Variants in CCDC110 observed in about 807,000 individuals in gnomAD.
CCDC110 encodes coiled-coil domain containing 110.
CCDC110 carries 70 observed loss-of-function variants against 77.1 expected under a neutral mutation model. That is an observed-to-expected ratio of 0.91 (90% CI 0.75 to 1.11). CCDC110 has a LOEUF of 1.11. CCDC110 is among the 50% of genes least tolerant of loss of function. The probability of loss-of-function intolerance (pLI) is 0.00; values close to 1 mark genes in which losing one functional copy is unlikely to be tolerated. For synonymous variants in CCDC110, 295 were observed against 312.5 expected, an observed-to-expected ratio of 0.94 and a Z score of 0.59; for missense variants, 868 against 942.9, an observed-to-expected ratio of 0.92 and a Z score of 1.04.
intron 6 of CCDC110, among the ~76,000 whole-genome samples, chr4:185,452,616 C>T (rs182636158): frequency 1.4e-4 from 22 of 152,074 alleles, no homozygotes; most frequent in Admixed American, 6.6e-4. Flanking sequence ...AGTTCAAGGC[C>T]GGGCTCGGTG....
At chr4:185,466,682 A>T (rs1256543066) in intron 2 of CCDC110, among the ~76,000 whole-genome samples, 1 of 151,932 alleles carries the variant, frequency 6.6e-6, no homozygotes, top group Non-Finnish European at 1.5e-5. Flanking sequence ...CGATCCTCCC[A>T]TGTCAGCCTC....
intron 2 of CCDC110, among the ~76,000 whole-genome samples, chr4:185,470,379 A>G (rs1230265153): frequency 1.3e-5 from 2 of 152,150 alleles, no homozygotes; most frequent in African/African-American, 2.4e-5. Flanking sequence ...AATACCTTAT[A>G]CAATGTAAAT....
At chr4:185,453,691 T>C (rs898394394) in intron 6 of CCDC110, among the ~76,000 whole-genome samples, 5 of 151,736 alleles carry the variant, frequency 3.3e-5, no homozygotes, top group African/African-American at 1.2e-4. Context: ...ACCAGAGGCA[T>C]ATGCCACCAC....
chr4:185,471,574 A>C, intron 1 of CCDC110, 100 bp downstream of exon 1: 2 of 1,322,384 alleles, frequency 1.5e-6, no homozygotes, highest in Non-Finnish European at 2.1e-6. Flanking sequence ...CGGACCCGGG[A>C]TGTCCCGGGT....
chr4:185,470,901 C>T lies in CCDC110; in HGVS notation c.115+44G>A, dbSNP rs745370882. ...AGGTGGCACAGGCCAGATGCTGCCGCCTGTGTATAGTTAAAGGAGCCTTTT... is the reference window on the plus strand; with the variant it reads ...AGGTGGCACAGGCCAGATGCTGCCGTCTGTGTATAGTTAAAGGAGCCTTTT... On this transcript the variant is annotated intron_variant, in intron 2 of 6. Coordinates refer to ENST00000307588, the MANE Select transcript of CCDC110 (RefSeq NM_152775.4). 18 of 1,379,304 alleles carry T rather than the reference C, an allele frequency of 1.3e-5. 2 individuals carry two copies. In the South Asian group the frequency reaches 2.1e-4, roughly 16 times the overall value. The allele number at this position is 1,379,304 out of a possible 1,614,324, so 85.4% of individuals were successfully genotyped here.
At position 185,462,832 on chromosome 4, in the gene CCDC110, G is replaced by A. The variant is rs1241643581; in HGVS notation, c.172-124C>T. 1.3e-5 allele frequency: 13 copies of A among 1,036,280 alleles called. No individual in the cohort carries two copies. The Admixed American group carries it at 1.9e-4, about 15-fold the overall frequency. 64.2% of individuals were successfully genotyped at this position (1,036,280 alleles called of 1,614,324 possible). On this transcript the variant is annotated intron_variant, in intron 3 of 6. Transcript: ENST00000307588. ...GAAAAGATCCCGTGAGGGTCAGGTG[G>A]TTCACATTCTTAGGCATTTTGCTAA...
rs1319297228 is a variant in CCDC110 at position 185,458,548 on chromosome 4, A to G, written c.2039T>C (p.Ile680Thr). The G allele has an allele frequency of 6.2e-7, 1 of 1,607,260 alleles. No homozygotes were observed. ...STAEENFLQE[I>T]KNAKSEASIY... Reference sequence around the variant, plus strand: ...ACTTGCTTCTGATTTTGCATTTTTTATTTCTTGCAGAAAATTCTCTTCGGC... The same window carrying G: ...ACTTGCTTCTGATTTTGCATTTTTTGTTTCTTGCAGAAAATTCTCTTCGGC... Residue 680 changes from isoleucine to threonine, a missense_variant, in exon 6 of 7, where the codon ATA becomes ACA. Transcript: ENST00000307588.
Position 185,471,058 on chromosome 4 carries a change from G to A in CCDC110, c.11-9C>T, listed in dbSNP as rs764661498. ...TTCCCGGTGCTGCTTTTCTGTAACA[G>A]AACCGTCCGGGGCTGTTCTGTCGCG... is the stretch of plus-strand genomic sequence containing the variant. On this transcript the variant is annotated splice_polypyrimidine_tract_variant and intron_variant, in intron 1 of 6. Transcript: ENST00000307588. 1 of 1,455,008 alleles carries A rather than the reference G, an allele frequency of 6.9e-7. No individual in the cohort carries two copies. The highest frequency in any genetic ancestry group is 2.8e-5 in the East Asian group (1 of 36,154). The allele number at this position is 1,455,008 out of a possible 1,614,324, so 90.1% of individuals were successfully genotyped here. A position where few individuals can be genotyped will look rare whatever the true frequency, so the allele number is the denominator to read the frequency against.
chr4:185,449,550 T>C, intron 6 of CCDC110: 1 of 1,255,434 alleles, frequency 8.0e-7, no homozygotes, highest in Non-Finnish European at 1.1e-6. Flanking sequence ...TACAGGTATT[T>C]GACTTGCACC....
intron 6 of CCDC110, among the ~76,000 whole-genome samples, chr4:185,453,014 T>C (rs1161449574): frequency 6.6e-6 from 1 of 152,008 alleles, no homozygotes; most frequent in Non-Finnish European, 1.5e-5. Context: ...CCTGGAAGAA[T>C]TATTATGAAC....
At position 185,449,667 on chromosome 4, in the gene CCDC110, C is replaced by T. The variant is rs771626896; in HGVS notation, c.2462-4125G>A. The stretch of plus-strand genomic sequence containing the variant: ...TAGCAACTGGAAGACAAGTAGCTTT[C>T]TAGATCTTAACTATGAGTAATTCAC... On this transcript the variant is annotated intron_variant, in intron 6 of 6. Coordinates refer to ENST00000307588, the MANE Select transcript of CCDC110 (RefSeq NM_152775.4). 2.5e-5 allele frequency: 37 copies of T among 1,490,494 alleles called. No homozygotes were observed. In the South Asian group the frequency reaches 3.6e-4, roughly 14 times the overall value. The allele number at this position is 1,490,494 out of a possible 1,614,324, so 92.3% of individuals were successfully genotyped here. A position where few individuals can be genotyped will look rare whatever the true frequency, so the allele number is the denominator to read the frequency against.
chr4:185,445,967 G>A (rs1382969888), intron 6 of CCDC110, among the ~76,000 whole-genome samples: 1 of 151,968 alleles, frequency 6.6e-6, no homozygotes, highest in Non-Finnish European at 1.5e-5. Flanking sequence ...TCAGCCTCCC[G>A]AGTAGCTGGG....
intron 6 of CCDC110, among the ~76,000 whole-genome samples, chr4:185,455,575 A>G (rs1206968753): frequency 6.6e-6 from 1 of 152,166 alleles, no homozygotes; most frequent in Non-Finnish European, 1.5e-5. Context: ...ATAGTGCTAA[A>G]TGTGTATGCA....
rs2095642719 is a variant in CCDC110 at position 185,459,815 on chromosome 4, C to CAT, written c.770_771dup (p.Gly258MetfsTer35). ...AGTTCATTTGTAAGTGCCACTTCCC[C>CAT]ATCATGTGACTTTTGAAGCTCTTCT... is the stretch of plus-strand genomic sequence containing the variant. On this transcript the variant is annotated frameshift_variant, in exon 6 of 7. Coordinates refer to ENST00000307588, the MANE Select transcript of CCDC110 (RefSeq NM_152775.4). LOFTEE classifies it high-confidence loss of function. The CAT allele has an allele frequency of 6.2e-7, 1 of 1,613,334 alleles. No homozygotes were observed.
chr4:185,450,734 ACT>A (rs1225330000), intron 6 of CCDC110, among the ~76,000 whole-genome samples: 2 of 80,778 alleles, frequency 2.5e-5, no homozygotes, highest in African/African-American at 7.2e-5. Context: ...ACAGAGTGAG[ACT>A]CTGTCTAAAA....
At chr4:185,446,195 T>G (rs2095610695) in intron 6 of CCDC110, among the ~76,000 whole-genome samples, 1 of 152,232 alleles carries the variant, frequency 6.6e-6, no homozygotes, top group African/African-American at 2.4e-5. Context: ...AATGTATTTA[T>G]CAGCAGAACT....
intron 6 of CCDC110, among the ~76,000 whole-genome samples, chr4:185,450,630 C>T (rs942720808): frequency 6.6e-6 from 1 of 151,674 alleles, no homozygotes; most frequent in Admixed American, 6.6e-5. Flanking sequence ...GCCTGTCATC[C>T]CAGCTCGGGA....
chr4:185,453,370 A>G (rs1178944321), intron 6 of CCDC110, among the ~76,000 whole-genome samples: 1 of 152,236 alleles, frequency 6.6e-6, no homozygotes, highest in Non-Finnish European at 1.5e-5. Context: ...TAGTAGCATT[A>G]CATAACACTT....
At chr4:185,448,409 C>T (rs551504335) in intron 6 of CCDC110, among the ~76,000 whole-genome samples, 7 of 152,158 alleles carry the variant, frequency 4.6e-5, no homozygotes, top group South Asian at 2.1e-4. Context: ...CGATGGTGAC[C>T]GTTTTTTGCA....
Sources: gnomAD v4.1 joint callset for allele counts (sites outside exome capture counted in the v4.1 genomes callset) on GRCh38, gnomAD v4.1.1 for gene constraint, MANE v1.5 for transcripts, NCBI Gene and HGNC (gene_info 2026-07-23, HGNC 2026-07-21) for gene names.